MAGI3: variants seen among roughly 807,000 people sequenced by gnomAD.
The protein encoded by MAGI3 is membrane-associated guanylate kinase, WW and PDZ domain-containing protein 3.
MAGI3 carries 43 observed loss-of-function variants against 121.8 expected under a neutral mutation model. That is an observed-to-expected ratio of 0.35 (90% CI 0.28 to 0.46). The LOEUF (loss-of-function observed/expected upper bound fraction) is 0.46, where lower values mean the gene tolerates loss of function less well. MAGI3 is among the 20% of genes least tolerant of loss of function. The pLI is 1.00. For synonymous variants in MAGI3, 553 were observed against 639.3 expected (o/e 0.86, Z 2.04); for missense variants, 1,547 against 1,797.3 (o/e 0.86, Z 2.52).
intron 1 of MAGI3, among the ~76,000 whole-genome samples, chr1:113,419,359 T>C (rs925440387): frequency 5.3e-5 from 8 of 152,144 alleles, no homozygotes; most frequent in Non-Finnish European, 8.8e-5. Context: ...TTACTCAGTT[T>C]GGGAGGAATA....
intron 11 of MAGI3, 29 bp from the exon 12 acceptor site, chr1:113,646,457 A>G (rs759247527): frequency 6.4e-7 from 1 of 1,556,658 alleles, no homozygotes; most frequent in Admixed American, 2.0e-5. Flanking sequence ...TTTTTAAAAA[A>G]TACTAAGTAA....
At chr1:113,655,231 G>C (rs1653405523) in intron 15 of MAGI3, among the ~76,000 whole-genome samples, 1 of 152,112 alleles carries the variant, frequency 6.6e-6, no homozygotes, top group African/African-American at 2.4e-5. Context: ...TAACCATTTA[G>C]GATAATGATA....
intron 1 of MAGI3, among the ~76,000 whole-genome samples, chr1:113,396,989 G>A (rs1210262994): frequency 6.6e-6 from 1 of 152,028 alleles, no homozygotes; most frequent in Non-Finnish European, 1.5e-5. Context: ...AAAGGATTTG[G>A]GTTCTCAAGT....
intron 2 of MAGI3, among the ~76,000 whole-genome samples, chr1:113,556,552 ATTT>A (rs569112647): frequency 6.8e-5 from 8 of 117,584 alleles, no homozygotes; most frequent in Non-Finnish European, 8.8e-5. Flanking sequence ...TATGATAAAG[ATTT>A]TTTTTTTTTT....
At position 113,590,545 on chromosome 1, in the gene MAGI3, A is replaced by T. The variant is rs763993573; in HGVS notation, c.825A>T (p.Gln275His). 2 of 1,613,816 alleles carry T rather than the reference A, an allele frequency of 1.2e-6. No individual in the cohort carries two copies. Among genetic ancestry groups the T allele is most frequent in the Non-Finnish European group, 1.7e-6 (2 of 1,179,740 alleles). Residue 275 changes from glutamine to histidine, a missense_variant, in exon 5 of 21, where the codon CAA becomes CAT. By Grantham distance (24) the Gln-to-His change is conservative. Transcript: ENST00000307546. ...TGAAGACTGTTCCAAGTTACAACCA[A>T]ACAAATAGCTCCATGGACTTTAGAA... ...DWMKTVPSYN[Q>H]TNSSMDFRNY...
intron 1 of MAGI3, among the ~76,000 whole-genome samples, chr1:113,402,616 AT>A (rs1651466317): frequency 6.6e-6 from 1 of 151,652 alleles, no homozygotes; most frequent in African/African-American, 2.4e-5. Flanking sequence ...CTGTGCTTTT[AT>A]TTTTTTCCTT....
intron 1 of MAGI3, among the ~76,000 whole-genome samples, chr1:113,525,431 A>G (rs931391564): frequency 2.6e-5 from 4 of 151,612 alleles, no homozygotes; most frequent in Admixed American, 6.6e-5. Flanking sequence ...GCTTTGTAAC[A>G]TGTTCTTTTG....
rs1471015684 is a variant in MAGI3 at position 113,638,017 on chromosome 1, C to T, written c.1361-3894C>T. 9.2e-5 allele frequency among the ~76,000 whole-genome samples: 14 copies of T among 152,342 alleles called. No individual in the cohort carries two copies. The South Asian group carries it at 1.2e-3, about 14-fold the overall frequency. ...ACTGATACCCTTTCTTTCAGTTGAT[C>T]GCATCGGCTCCTGAGGCTTCTGCAT... On this transcript the variant is annotated intron_variant, in intron 9 of 20. Transcript: ENST00000307546.
At chr1:113,599,318 A>G (rs909684074) in intron 6 of MAGI3, among the ~76,000 whole-genome samples, 35 of 152,180 alleles carry the variant, frequency 2.3e-4, no homozygotes, top group African/African-American at 4.3e-4. Flanking sequence ...TTGATCGACC[A>G]CTAGCAAGAC....
At chr1:113,413,978 G>A (rs1652154152) in intron 1 of MAGI3, among the ~76,000 whole-genome samples, 2 of 151,928 alleles carry the variant, frequency 1.3e-5, no homozygotes, top group Non-Finnish European at 2.9e-5. Context: ...GGATGCTTCC[G>A]GTTTTAGCCC....
chr1:113,449,927 C>A, intron 1 of MAGI3: 3 of 1,521,046 alleles, frequency 2.0e-6, no homozygotes, highest in Non-Finnish European at 2.7e-6. Flanking sequence ...CTTGACCACA[C>A]AAGGTTGATG....
intron 6 of MAGI3, among the ~76,000 whole-genome samples, chr1:113,611,934 A>AATTTATTT (rs1650167196): frequency 1.6e-5 from 1 of 60,808 alleles, no homozygotes; most frequent in African/African-American, 7.4e-5. Flanking sequence ...CCCTAATCCC[A>AATTTATTT]ACTTATTTAT....
intron 1 of MAGI3, among the ~76,000 whole-genome samples, chr1:113,440,811 ATAAG>A (rs755748268): frequency 3.9e-5 from 6 of 152,210 alleles, no homozygotes; most frequent in Non-Finnish European, 8.8e-5. Flanking sequence ...GAAGCAGTTA[ATAAG>A]TAAGCATTGT....
intron 2 of MAGI3, among the ~76,000 whole-genome samples, chr1:113,552,596 C>G (rs1659830138): frequency 6.6e-6 from 1 of 152,162 alleles, no homozygotes; most frequent in South Asian, 2.1e-4. Context: ...ATACTGCCCT[C>G]TGCCACTTTC....
At chr1:113,599,510 G>A (rs1349679840) in intron 6 of MAGI3, among the ~76,000 whole-genome samples, 2 of 152,078 alleles carry the variant, frequency 1.3e-5, no homozygotes, top group Admixed American at 6.6e-5. Flanking sequence ...ACCCTCCCAA[G>A]ACTAAACCAG....
intron 9 of MAGI3, among the ~76,000 whole-genome samples, chr1:113,628,243 A>G (rs376042051): frequency 6.6e-6 from 1 of 152,156 alleles, no homozygotes; most frequent in African/African-American, 2.4e-5. Context: ...ACTCATAATT[A>G]TAAACTGAGG....
intron 1 of MAGI3, among the ~76,000 whole-genome samples, chr1:113,448,608 G>A (rs996022027): frequency 3.3e-5 from 5 of 152,048 alleles, no homozygotes; most frequent in African/African-American, 1.2e-4. Flanking sequence ...ATTTCTTCCT[G>A]TAGGTAACCC....
chr1:113,453,141 A>G (rs959588288), intron 1 of MAGI3, among the ~76,000 whole-genome samples: 5 of 152,202 alleles, frequency 3.3e-5, no homozygotes, highest in African/African-American at 1.2e-4. Context: ...ATAGGATACA[A>G]GTGGAGCCAA....
Position 113,390,915 on chromosome 1 carries a change from C to A in MAGI3, c.-119C>A, listed in dbSNP as rs747087683. 6 of 688,588 alleles carry A rather than the reference C, an allele frequency of 8.7e-6. No homozygotes were observed. The highest frequency in any genetic ancestry group is 9.9e-6 in the Non-Finnish European group (5 of 505,674). The allele number at this position is 688,588 out of a possible 1,614,324, so 42.7% of individuals were successfully genotyped here. A position where few individuals can be genotyped will look rare whatever the true frequency, so the allele number is the denominator to read the frequency against. ...TGTGGTCGCGGGGTGGGGGCCGGAG[C>A]GGCGAGGCCCCCCTTACCGGGCTGC... On this transcript the variant is annotated 5_prime_UTR_variant, in exon 1 of 21. Coordinates refer to ENST00000307546, the MANE Select transcript of MAGI3 (RefSeq NM_001142782.2).
Sources: allele counts gnomAD v4.1 joint callset (sites outside exome capture counted in the v4.1 genomes callset), GRCh38; gene constraint gnomAD v4.1.1; transcripts MANE v1.5; gene names NCBI Gene and HGNC (gene_info 2026-07-23, HGNC 2026-07-21).